Variants in TTLL3 observed in about 807,000 individuals in gnomAD.
The protein encoded by TTLL3 is tubulin tyrosine ligase like 3.
In TTLL3, 63 loss-of-function variants were observed where a neutral mutation model predicts 75.2. The observed-to-expected ratio is 0.84, with a 90% CI of 0.68 to 1.03. TTLL3 has a LOEUF of 1.03. TTLL3 is among the 50% of genes least tolerant of loss of function. The pLI, the probability that TTLL3 is intolerant of heterozygous loss-of-function variation, is 0.00. For missense variants in TTLL3, 997 were observed against 1,069.9 expected (o/e 0.93, Z 0.95); for synonymous variants, 393 against 418.5 (o/e 0.94, Z 0.74).
In TTLL3 at chr3:9,829,240, C is replaced by A; in HGVS notation, c.1528C>A (p.Leu510Met). ...FVFGEDFQPWLIEINASPTMA... is the reference protein window; with the variant it reads ...FVFGEDFQPWMIEINASPTMA... ...GTTCGGGGAGGACTTCCAGCCCTGG[C>A]TGATTGAGATCAACGCCAGCCCCAC... is the stretch of plus-strand genomic sequence containing the variant. Residue 510 changes from leucine to methionine, a missense_variant, in exon 11 of 14, where the codon CTG (leucine) becomes ATG (methionine). Leu to Met is a conservative substitution (Grantham distance 15). Coordinates refer to ENST00000685419, the MANE Select transcript of TTLL3 (RefSeq NM_001387446.1). The A allele has an allele frequency of 6.2e-7, 1 of 1,614,226 alleles. No homozygotes were observed. The highest frequency in any genetic ancestry group is 1.1e-5 in the South Asian group (1 of 91,090).
intron 13 of TTLL3, 79 bp downstream of exon 13, chr3:9,834,986 A>C (rs1352286962): frequency 1.2e-6 from 2 of 1,607,834 alleles, no homozygotes; most frequent in African/African-American, 2.7e-5. Flanking sequence ...GGCAGAGGGC[A>C]GCTCCCAGGC....
intron 7 of TTLL3, chr3:9,819,748 G>C: frequency 1.0e-6 from 1 of 985,480 alleles, no homozygotes. Flanking sequence ...CAGCTCTCCA[G>C]GAAGGAGGAA....
At chr3:9,832,333 C>T (rs955346201) in intron 11 of TTLL3, among the ~76,000 whole-genome samples, 3 of 152,088 alleles carry the variant, frequency 2.0e-5, no homozygotes, top group African/African-American at 7.2e-5. Context: ...AGTGATCTGC[C>T]AACCTTAGCC....
chr3:9,815,567 A>C (rs2079766944), intron 4 of TTLL3, among the ~76,000 whole-genome samples: 1 of 152,168 alleles, frequency 6.6e-6, no homozygotes, highest in South Asian at 2.1e-4. Context: ...GCTTGGAGTC[A>C]CTGTCCTGCC....
intron 4 of TTLL3, among the ~76,000 whole-genome samples, chr3:9,815,067 G>A (rs536964664): frequency 4.0e-5 from 6 of 151,512 alleles, no homozygotes; most frequent in South Asian, 2.1e-4. Flanking sequence ...GTGAAACCCC[G>A]CCTCTACTAA....
At position 9,813,326 on chromosome 3, in the gene TTLL3, A is replaced by T. The variant is rs148268559; in HGVS notation, c.296A>T (p.Asp99Val). 2 of 1,614,206 alleles carry T rather than the reference A, an allele frequency of 1.2e-6. No homozygotes were observed. Among genetic ancestry groups the T allele is most frequent in the African/African-American group, 2.7e-5 (2 of 75,060 alleles). The change falls in exon 4 of 14, where the codon GAT (aspartate) becomes GTT (valine). Residue 99 changes from aspartate (D) to valine (V), a missense_variant. Asp to Val is a radical substitution (Grantham distance 152). Transcript: ENST00000685419. ...GATTTACTGAAATTTGATGACCTAG[A>T]TGGAACACATGCTCTGATGGTGAGG... Reference protein sequence around the residue: ...FDDLLKFDDLDGTHALMSRMV... With the variant: ...FDDLLKFDDLVGTHALMSRMV...
At chr3:9,832,774 C>T (rs1048877052) in intron 11 of TTLL3, among the ~76,000 whole-genome samples, 1 of 152,218 alleles carries the variant, frequency 6.6e-6, no homozygotes, top group African/African-American at 2.4e-5. Context: ...CTGATTGGCT[C>T]AGCTCAGGAA....
In TTLL3 at chr3:9,825,865, T is replaced by C. The variant is rs776367885; in HGVS notation, c.920T>C (p.Leu307Pro). The change falls in exon 9 of 14, where the codon CTG becomes CCG. Residue 307 changes from leucine (L) to proline (P), a missense_variant. By Grantham distance (98) the Leu-to-Pro change is moderately conservative. Coordinates refer to ENST00000685419, the MANE Select transcript of TTLL3 (RefSeq NM_001387446.1). ...CGCTGTGAGGACATCCTGCAGCAGC[T>C]GCAGGCCGTGGTACCCCAGATAGAC... ...VQRCEDILQQ[L>P]QAVVPQIDME... is the part of the protein sequence containing the mutation. 6.2e-7 allele frequency: 1 copy of C among 1,614,174 alleles called. No individual in the cohort carries two copies. The highest frequency in any genetic ancestry group is 8.5e-7 in the Non-Finnish European group (1 of 1,180,022).
chr3:9,820,801 C>G lies in TTLL3; in HGVS notation c.854+60C>G, dbSNP rs1045379362. On this transcript the variant is annotated intron_variant, in intron 8 of 13. Coordinates refer to ENST00000685419, the MANE Select transcript of TTLL3 (RefSeq NM_001387446.1). Reference sequence around the variant, plus strand: ...GCAGGTGCTTAGGGATAGACCCTTTCTGTCTCGTGCAGCCCCTACCCCTTC... The same window carrying G: ...GCAGGTGCTTAGGGATAGACCCTTTGTGTCTCGTGCAGCCCCTACCCCTTC... 17 of 1,588,804 alleles carry G rather than the reference C, an allele frequency of 1.1e-5. No homozygotes were observed. The African/African-American group carries it at 2.3e-4, about 21-fold the overall frequency.
intron 5 of TTLL3, chr3:9,817,430 A>T (rs1423396568): frequency 1.0e-6 from 1 of 985,032 alleles, no homozygotes; most frequent in Non-Finnish European, 1.2e-6. Flanking sequence ...TCTCAAAAAA[A>T]AAAAGAATGT....
At chr3:9,810,080 G>C (rs1400635440), upstream of TTLL3, 7 of 1,399,492 alleles carry the variant, frequency 5.0e-6, no homozygotes, top group Non-Finnish European at 6.5e-6. The surrounding 1 kb of genome is among the most constrained non-coding windows in gnomAD (Gnocchi z 4.4). Context: ...TCGGCCTCCT[G>C]GTACCGCCAG....
intron 4 of TTLL3, 69 bp from the exon 5 acceptor site, chr3:9,815,999 AGGGCAG>A: frequency 8.0e-7 from 1 of 1,257,822 alleles, no homozygotes; most frequent in South Asian, 1.3e-5. Flanking sequence ...CCTGCTCAGC[AGGGCAG>A]GGAGAGGCTG....
Position 9,810,544 on chromosome 3 carries a change from C to G in TTLL3, c.-41-77C>G. ...GGAAGAAAAGAGGCGTGGCTATGGG[C>G]GGCCAGAAAAGATCCTAGGCCGAGA... is the stretch of plus-strand genomic sequence containing the variant. On this transcript the variant is annotated intron_variant, in intron 1 of 13. Coordinates refer to ENST00000685419, the MANE Select transcript of TTLL3 (RefSeq NM_001387446.1). This position sits in a 1 kb window ranked among gnomAD's most constrained non-coding sequence, Gnocchi z 4.4. 1 of 1,485,870 alleles carries G rather than the reference C, an allele frequency of 6.7e-7. No individual in the cohort carries two copies. Among genetic ancestry groups the G allele is most frequent in the Non-Finnish European group, 9.0e-7 (1 of 1,115,214 alleles). The allele number at this position is 1,485,870 out of a possible 1,614,324, so 92.0% of individuals were successfully genotyped here.
chr3:9,824,029 T>C (rs937535151), intron 8 of TTLL3, among the ~76,000 whole-genome samples: 5 of 152,174 alleles, frequency 3.3e-5, no homozygotes, highest in African/African-American at 9.7e-5. Flanking sequence ...TTGAGCAAAC[T>C]TCCAGGGAGT....
rs543431275 is a variant in TTLL3 at position 9,823,626 on chromosome 3, A to C, written c.855-2174A>C. 4.6e-5 allele frequency among the ~76,000 whole-genome samples: 7 copies of C among 152,268 alleles called. No individual in the cohort carries two copies. In the South Asian group the frequency reaches 1.0e-3, roughly 23 times the overall value. ...GATACTTCATGCTACGGACCACAGA[A>C]AAGTTTGTCAGGACATAGGTGTGAG... On this transcript the variant is annotated intron_variant, in intron 8 of 13. Coordinates refer to ENST00000685419, the MANE Select transcript of TTLL3 (RefSeq NM_001387446.1).
chr3:9,810,810 A>G lies in TTLL3; in HGVS notation c.48+101A>G. The stretch of plus-strand genomic sequence containing the variant: ...ATCCTTAAAAAACAAAAGCAAAAGA[A>G]AAAACAATAGCAAAAATCCTCAACC... On this transcript the variant is annotated intron_variant, in intron 2 of 13. Transcript: ENST00000685419. The surrounding 1 kb of genome is among the most constrained non-coding windows in gnomAD (Gnocchi z 4.4). 7 of 1,149,760 alleles carry G rather than the reference A, an allele frequency of 6.1e-6. No individual in the cohort carries two copies. The highest frequency in any genetic ancestry group is 3.1e-5 in the South Asian group (2 of 63,506). 71.2% of individuals were successfully genotyped at this position (1,149,760 alleles called of 1,614,324 possible).
intron 2 of TTLL3, among the ~76,000 whole-genome samples, chr3:9,812,083 A>C (rs983231411): frequency 6.6e-6 from 1 of 152,236 alleles, no homozygotes; most frequent in Admixed American, 6.5e-5. Context: ...ATAAAAATGC[A>C]TAGTATTGGC....
chr3:9,811,349 C>T (rs1236557122), intron 2 of TTLL3, among the ~76,000 whole-genome samples: 3 of 152,192 alleles, frequency 2.0e-5, no homozygotes, highest in Non-Finnish European at 4.4e-5. Flanking sequence ...ACCTGTCGTC[C>T]TCCCCAGTCT....
At chr3:9,823,339 G>A (rs904864005) in intron 8 of TTLL3, among the ~76,000 whole-genome samples, 22 of 151,452 alleles carry the variant, frequency 1.5e-4, no homozygotes, top group South Asian at 6.2e-4. Context: ...AGCCGAGATC[G>A]CGCCACTGCA....
Sources: allele counts gnomAD v4.1 joint callset (sites outside exome capture counted in the v4.1 genomes callset), GRCh38; gene constraint gnomAD v4.1.1; non-coding constraint Gnocchi (gnomAD v3.1); transcripts MANE v1.5; gene names NCBI Gene and HGNC (gene_info 2026-07-23, HGNC 2026-07-21).